Variants in KCNQ1 observed in about 807,000 individuals in gnomAD.
The protein encoded by KCNQ1 is potassium voltage-gated channel subfamily Q member 1.
Under a neutral mutation model 72.4 loss-of-function variants are expected in KCNQ1, and 49 were observed. The observed-to-expected ratio is 0.68, with a 90% CI of 0.54 to 0.86. KCNQ1 has a LOEUF of 0.86. Among genes scored for constraint, KCNQ1 ranks in the 40% least tolerant of loss-of-function variants. KCNQ1 has a pLI of 0.00. For synonymous variants in KCNQ1, 450 were observed against 412.6 expected, an observed-to-expected ratio of 1.09 and a Z score of -1.10; for missense variants, 790 against 945.1, an observed-to-expected ratio of 0.84 and a Z score of 2.15.
intron 4 of KCNQ1, 21 bp downstream of exon 4, chr11:2,571,424 C>T (rs767597141): frequency 3.4e-5 from 54 of 1,595,508 alleles, no homozygotes; most frequent in African/African-American, 2.7e-4. Context: ...GCCACAAGCT[C>T]CCCCCGCCAT....
chr11:2,685,956 C>T (rs1850482131), intron 11 of KCNQ1: 1 of 398,788 alleles, frequency 2.5e-6, no homozygotes, highest in Admixed American at 4.4e-5. Flanking sequence ...TGCTGGGTCA[C>T]ACGGATGAGG....
In KCNQ1 at chr11:2,636,483, A is replaced by G. The variant is rs181401751; in HGVS notation, c.1394-25478A>G. On this transcript the variant is annotated intron_variant, in intron 10 of 15. Coordinates refer to ENST00000155840, the MANE Select transcript of KCNQ1 (RefSeq NM_000218.3). ...TTTGGTTCTGTTTATATGCTGGATA[A>G]TGTTTATTGATTTGCATATGTTGAA... 2.6e-5 allele frequency: 4 copies of G among 152,298 alleles called. No individual in the cohort carries two copies. The East Asian group carries it at 7.7e-4, about 29-fold the overall frequency. The allele number at this position is 152,298 out of a possible 1,614,324, so 9.4% of individuals were successfully genotyped here.
chr11:2,716,084 C>T (rs1312616153), intron 11 of KCNQ1, among the ~76,000 whole-genome samples: 1 of 152,188 alleles, frequency 6.6e-6, no homozygotes, highest in Non-Finnish European at 1.5e-5. Context: ...ACCCCACCGC[C>T]GGGGTCGGAG....
At chr11:2,761,347 T>G (rs1387993772) in intron 11 of KCNQ1, among the ~76,000 whole-genome samples, 1 of 152,114 alleles carries the variant, frequency 6.6e-6, no homozygotes, top group Admixed American at 6.5e-5. Flanking sequence ...CAGCCGCTTG[T>G]GTCTTCTTCT....
intron 15 of KCNQ1, among the ~76,000 whole-genome samples, chr11:2,837,739 G>A (rs549108727): frequency 4.6e-5 from 7 of 152,348 alleles, no homozygotes; most frequent in African/African-American, 9.6e-5. Flanking sequence ...CTAAGGAGAG[G>A]GGTGGATGCT....
rs567125041 is a variant in KCNQ1, at chr11:2,830,662, C to T, written c.1795-17105C>T. The stretch of plus-strand genomic sequence containing the variant: ...ACCTCCTTCCTGGGTGGAGACCTTC[C>T]CACCCTTCCACTCACCTTCCGAGCA... On this transcript the variant is annotated intron_variant, in intron 15 of 15. Coordinates refer to ENST00000155840, the MANE Select transcript of KCNQ1 (RefSeq NM_000218.3). This position sits in a 1 kb window ranked among gnomAD's most constrained non-coding sequence, Gnocchi z 7.7. 6.6e-6 allele frequency among the ~76,000 whole-genome samples: 1 copy of T among 152,080 alleles called. No homozygotes were observed. Among genetic ancestry groups the T allele is most frequent in the Non-Finnish European group, 1.5e-5 (1 of 67,980 alleles).
Position 2,642,660 on chromosome 11 carries a change from A to C in KCNQ1, c.1394-19301A>C, listed in dbSNP as rs1849597733. The C allele has an allele frequency of 5.0e-6, 2 of 397,584 alleles. No individual in the cohort carries two copies. Among genetic ancestry groups the C allele is most frequent in the South Asian group, 1.3e-4 (1 of 7,832 alleles). The allele number at this position is 397,584 out of a possible 1,614,324, so 24.6% of individuals were successfully genotyped here. A position where few individuals can be genotyped will look rare whatever the true frequency, so the allele number is the denominator to read the frequency against. ...TTTATATTTATTTAGTTTCTTGTTT[A>C]GTTCTGCTCTGATCTTCGTTATTTC... On this transcript the variant is annotated intron_variant, in intron 10 of 15. Transcript: ENST00000155840. This position sits in a 1 kb window ranked among gnomAD's most constrained non-coding sequence, Gnocchi z 4.3.
chr11:2,713,003 G>A lies in KCNQ1; in HGVS notation c.1514+50922G>A, dbSNP rs138050555. 6.6e-5 allele frequency among the ~76,000 whole-genome samples: 10 copies of A among 152,300 alleles called. No homozygotes were observed. The highest frequency in any genetic ancestry group is 6.5e-4 in the Admixed American group (10 of 15,300). On this transcript the variant is annotated intron_variant, in intron 11 of 15. Transcript: ENST00000155840. This position sits in a 1 kb window ranked among gnomAD's most constrained non-coding sequence, Gnocchi z 5.6. ...GTAAGTATGAGGAACCAGAGACCTG[G>A]TAAGTATGAGGAACCACCCCTTGGC...
intron 2 of KCNQ1, among the ~76,000 whole-genome samples, chr11:2,553,793 G>A (rs1311336342): frequency 6.6e-6 from 1 of 151,904 alleles, no homozygotes; most frequent in African/African-American, 2.4e-5. Context: ...TCGGCTCACT[G>A]CAGCCTCTGC....
chr11:2,640,973 C>G (rs1196719261), intron 10 of KCNQ1: 4 of 398,498 alleles, frequency 1.0e-5, no homozygotes, highest in Non-Finnish European at 1.8e-5. Context: ...CAGCTCCATT[C>G]ATGTTGCTGC....
Position 2,703,877 on chromosome 11 carries a change from C to T in KCNQ1, c.1514+41796C>T, listed in dbSNP as rs1850862523. Among the ~76,000 whole-genome samples the T allele has an allele frequency of 6.6e-6, 1 of 152,212 alleles. No individual in the cohort carries two copies. Among genetic ancestry groups the T allele is most frequent in the Non-Finnish European group, 1.5e-5 (1 of 68,038 alleles). ...GCCAGGTTCCCAAGTTGCTGCTTCCCTCGGAAGCTGAGAGGCCCAGGGCCA... is the reference window on the plus strand; with the variant it reads ...GCCAGGTTCCCAAGTTGCTGCTTCCTTCGGAAGCTGAGAGGCCCAGGGCCA... On this transcript the variant is annotated intron_variant, in intron 11 of 15. Transcript: ENST00000155840. The surrounding 1 kb of genome is among the most constrained non-coding windows in gnomAD (Gnocchi z 6.4).
chr11:2,616,761 A>AT (rs996973876), intron 10 of KCNQ1: 3 of 397,944 alleles, frequency 7.5e-6, no homozygotes, highest in Middle Eastern at 6.3e-4. Flanking sequence ...ATTTTGTATG[A>AT]TTTCTATATT....
At chr11:2,771,024 C>G (rs1277893401) in intron 12 of KCNQ1, among the ~76,000 whole-genome samples, 1 of 152,242 alleles carries the variant, frequency 6.6e-6, no homozygotes, top group Non-Finnish European at 1.5e-5. Flanking sequence ...GTCACCCCAG[C>G]AGTAGAGCAG....
chr11:2,445,629 A>G, intron 1 of KCNQ1, 145 bp downstream of exon 1: 6 of 959,836 alleles, frequency 6.3e-6, no homozygotes, highest in African/African-American at 1.6e-5. Context: ...CAGAAACACA[A>G]ACTCTGCACT....
intron 2 of KCNQ1, among the ~76,000 whole-genome samples, chr11:2,532,637 G>A (rs1380289125): frequency 6.6e-6 from 1 of 152,180 alleles, no homozygotes; most frequent in Non-Finnish European, 1.5e-5. Flanking sequence ...GGAGGAGGGG[G>A]CGCTCAGGTG....
intron 15 of KCNQ1, among the ~76,000 whole-genome samples, chr11:2,847,314 C>T (rs1468742861): frequency 6.6e-6 from 1 of 152,230 alleles, no homozygotes; most frequent in African/African-American, 2.4e-5. Context: ...GACATAGCCC[C>T]CAGCCTTTCT....
At chr11:2,755,252 T>C (rs1846281408) in intron 11 of KCNQ1, among the ~76,000 whole-genome samples, 1 of 150,796 alleles carries the variant, frequency 6.6e-6, no homozygotes, top group African/African-American at 2.5e-5. Flanking sequence ...GTTGTTGTTT[T>C]TGTTGTTGTT....
rs1850340877 is a variant in KCNQ1, at chr11:2,678,933, A to C, written c.1514+16852A>C. The C allele has an allele frequency of 2.5e-6, 1 of 398,564 alleles. No homozygotes were observed. The highest frequency in any genetic ancestry group is 1.3e-4 in the South Asian group (1 of 7,844). 24.7% of individuals were successfully genotyped at this position (398,564 alleles called of 1,614,324 possible). ...CATACTTTCAGGGCATCTTGGAAAA[A>C]CTGAATTTGCTAACTCAATAGAGAA... On this transcript the variant is annotated intron_variant, in intron 11 of 15. Transcript: ENST00000155840. This position sits in a 1 kb window ranked among gnomAD's most constrained non-coding sequence, Gnocchi z 4.9.
chr11:2,696,296 G>T (rs1005173347), intron 11 of KCNQ1: 1 of 398,504 alleles, frequency 2.5e-6, no homozygotes, highest in Non-Finnish European at 4.4e-6. Context: ...TAGGGGCTCA[G>T]TTAGGAATCC....
Sources: gnomAD v4.1 joint callset for allele counts (sites outside exome capture counted in the v4.1 genomes callset) on GRCh38, gnomAD v4.1.1 for gene constraint, Gnocchi (gnomAD v3.1) non-coding constraint, MANE v1.5 for transcripts, NCBI Gene and HGNC (gene_info 2026-07-23, HGNC 2026-07-21) for gene names.